The following PLEKHO1 variants were observed in gnomAD, a reference collection of about 807,000 sequenced individuals.
The protein encoded by PLEKHO1 is pleckstrin homology domain-containing family O member 1.
A neutral mutation model predicts 41.4 loss-of-function variants in PLEKHO1; 22 were observed. That is an observed-to-expected ratio of 0.53 (90% CI 0.38 to 0.76). The LOEUF (loss-of-function observed/expected upper bound fraction) is 0.76, where lower values mean the gene tolerates loss of function less well. PLEKHO1 is among the 30% of genes least tolerant of loss of function. The probability of loss-of-function intolerance (pLI) is 0.00; values close to 1 mark genes in which losing one functional copy is unlikely to be tolerated. For missense variants in PLEKHO1, 488 were observed against 518.3 expected (o/e 0.94, Z 0.57); for synonymous variants, 225 against 210.8 (o/e 1.07, Z -0.58).
chr1:150,159,150 C>A lies in PLEKHO1; in HGVS notation c.857C>A (p.Thr286Asn), dbSNP rs782341085. ...LSQRDAASAR[T>N]LQLRAEEPPT... ...CAGCGGGATGCTGCCTCTGCCCGCA[C>A]CCTCCAGCTGCGGGCTGAGGAACCC... Residue 286 changes from threonine to asparagine, a missense_variant, in exon 6 of 6, where the codon ACC becomes AAC. Physicochemically the swap from Thr to Asn is moderately conservative, Grantham distance 65. Transcript: ENST00000369124. 1.2e-6 allele frequency: 2 copies of A among 1,611,426 alleles called. No individual in the cohort carries two copies. Among genetic ancestry groups the A allele is most frequent in the East Asian group, 4.5e-5 (2 of 44,874 alleles).
intron 2 of PLEKHO1, chr1:150,152,688 TAAAAAAAAAAAA>T (rs1407877862): frequency 1.1e-4 from 8 of 74,026 alleles, no homozygotes; most frequent in African/African-American, 3.2e-4. Flanking sequence ...CTTTCTAAAT[TAAAAAAAAAAAA>T]AAAAAAAAAA....
At chr1:150,152,937 G>A (rs1425396589) in intron 2 of PLEKHO1, 3 of 152,248 alleles carry the variant, frequency 2.0e-5, no homozygotes, top group East Asian at 3.9e-4. Context: ...AGGAAAGGAT[G>A]GAATGACCTC....
chr1:150,158,176 G>A (rs1439319770), intron 5 of PLEKHO1, among the ~76,000 whole-genome samples: 1 of 152,218 alleles, frequency 6.6e-6, no homozygotes, highest in Non-Finnish European at 1.5e-5. Flanking sequence ...GCAGATGGAG[G>A]AGGACAGTCG....
At position 150,159,070 on chromosome 1, in the gene PLEKHO1, G is replaced by A. The variant is rs1425221681; in HGVS notation, c.777G>A (p.Lys259=). The change falls in exon 6 of 6, where the codon AAG becomes AAA. Residue 259 remains lysine (K), a synonymous_variant. Transcript: ENST00000369124. ...KGATYTPQAP[K]KLTPTEKGRC... The stretch of plus-strand genomic sequence containing the variant: ...CCACCTACACCCCCCAGGCACCCAA[G>A]AAGTTGACGCCCACAGAGAAAGGCC... 6.2e-7 allele frequency: 1 copy of A among 1,613,978 alleles called. No individual in the cohort carries two copies. The highest frequency in any genetic ancestry group is 8.5e-7 in the Non-Finnish European group (1 of 1,179,996).
At chr1:150,155,895 G>A (rs1264707957) in intron 2 of PLEKHO1, 171 bp from the exon 3 acceptor site, 22 of 630,034 alleles carry the variant, frequency 3.5e-5, no homozygotes, top group South Asian at 1.2e-4. Context: ...CTGCCCTAGC[G>A]TCCTCCTCGA....
At position 150,151,043 on chromosome 1, in the gene PLEKHO1, C is replaced by T. The variant is rs1448813729; in HGVS notation, c.162C>T (p.Tyr54=). 1.2e-6 allele frequency: 2 copies of T among 1,614,016 alleles called. No individual in the cohort carries two copies. Among genetic ancestry groups the T allele is most frequent in the Non-Finnish European group, 8.5e-7 (1 of 1,179,980 alleles). ...RYVVLKGDQL[Y]ISEKEVKDEK... ...TGGTGCTGAAAGGGGACCAGCTCTA[C>T]ATCTCTGAGAAGGAGGTGGGTGCCT... is the stretch of plus-strand genomic sequence containing the variant. The change falls in exon 2 of 6, where the codon TAC becomes TAT. Residue 54 remains tyrosine (Y), a synonymous_variant. Transcript: ENST00000369124.
intron 4 of PLEKHO1, 128 bp downstream of exon 4, chr1:150,157,143 C>T: frequency 1.4e-6 from 1 of 712,758 alleles, no homozygotes; most frequent in Non-Finnish European, 2.5e-6. Flanking sequence ...TCTTTACCAC[C>T]CTTTTAAAAG....
At position 150,159,358 on chromosome 1, in the gene PLEKHO1, G is replaced by A. The variant is rs372807467; in HGVS notation, c.1065G>A (p.Thr355=). ...AGTCAGAGCAGCTGCTGCTGGAGAC[G>A]GAACGGCTGCTGGGAGAGGCATCAT... The part of the protein sequence containing the change: ...DSESEQLLLE[T]ERLLGEASSN... Residue 355 remains threonine, a synonymous_variant, in exon 6 of 6, where the codon ACG becomes ACA. Coordinates refer to ENST00000369124, the MANE Select transcript of PLEKHO1 (RefSeq NM_016274.6). 2.5e-5 allele frequency: 41 copies of A among 1,614,158 alleles called. No individual in the cohort carries two copies. The highest frequency in any genetic ancestry group is 1.3e-4 in the South Asian group (12 of 91,080).
rs977195537 is a variant in PLEKHO1, at chr1:150,160,057, C to G, written c.*534C>G. On this transcript the variant is annotated 3_prime_UTR_variant, in exon 6 of 6. Coordinates refer to ENST00000369124, the MANE Select transcript of PLEKHO1 (RefSeq NM_016274.6). ...GAGGATTTGTGGAATTAAAATCTCC[C>G]CAGCCAGACACTGGCTTCTCATTCC... 6.6e-6 allele frequency: 1 copy of G among 152,538 alleles called. No individual in the cohort carries two copies. The highest frequency in any genetic ancestry group is 1.5e-5 in the Non-Finnish European group (1 of 68,296). 9.4% of individuals were successfully genotyped at this position (152,538 alleles called of 1,614,324 possible). A position where few individuals can be genotyped will look rare whatever the true frequency, so the allele number is the denominator to read the frequency against.
chr1:150,150,239 G>T lies in PLEKHO1; in HGVS notation c.-19G>T. 1 of 1,068,048 alleles carries T rather than the reference G, an allele frequency of 9.4e-7. No individual in the cohort carries two copies. Among genetic ancestry groups the T allele is most frequent in the Non-Finnish European group, 1.1e-6 (1 of 880,226 alleles). The allele number at this position is 1,068,048 out of a possible 1,614,324, so 66.2% of individuals were successfully genotyped here. On this transcript the variant is annotated 5_prime_UTR_variant, in exon 1 of 6. Transcript: ENST00000369124. Reference sequence around the variant, plus strand: ...GGGCCGCCCCTCGGCTCGCCGCCCCGCGCCCGCGCCCGCTGGGAATGATGA... The same window carrying T: ...GGGCCGCCCCTCGGCTCGCCGCCCCTCGCCCGCGCCCGCTGGGAATGATGA...
rs781995531 is a variant in PLEKHO1 at position 150,159,509 on chromosome 1, A to C, written c.1216A>C (p.Lys406Gln). The stretch of plus-strand genomic sequence containing the variant: ...GACCACCCCGCACAGTCAGTACCGG[A>C]AGAGCCTGATGTGAGGGCAGGGTGG... ...RQTTPHSQYR[K>Q]SLM is the part of the protein sequence containing the mutation. Residue 406 changes from lysine to glutamine, a missense_variant, in exon 6 of 6, where the codon AAG becomes CAG. By Grantham distance (53) the Lys-to-Gln change is moderately conservative (BLOSUM62 1). This residue lies in a region of PLEKHO1 where 337 missense variants were observed against 324.6 expected (regional missense o/e 1.04). Transcript: ENST00000369124. The C allele has an allele frequency of 3.7e-6, 6 of 1,603,036 alleles. No individual in the cohort carries two copies. The South Asian group carries it at 6.6e-5, about 18-fold the overall frequency.
At chr1:150,156,342 C>T in intron 3 of PLEKHO1, 136 bp downstream of exon 3, 1 of 714,712 alleles carries the variant, frequency 1.4e-6, no homozygotes, top group Non-Finnish European at 2.3e-6. Flanking sequence ...TGGCTTTTAT[C>T]ATTTCACCTG....
At chr1:150,154,595 C>G (rs1198134400) in intron 2 of PLEKHO1, 1 of 152,170 alleles carries the variant, frequency 6.6e-6, no homozygotes, top group Admixed American at 6.5e-5. Flanking sequence ...TTCCAGGTTT[C>G]CAGGAACCAG....
At position 150,156,919 on chromosome 1, in the gene PLEKHO1, C is replaced by G; in HGVS notation, c.327C>G (p.Asn109Lys). ...HSKQPGNTAP[N>K]LIFLAVSPEE... Reference sequence around the variant, plus strand: ...GAATCTTCCCCTCACAGGCACCCAACCTGATCTTCCTGGCAGTGAGTCCAG... The same window carrying G: ...GAATCTTCCCCTCACAGGCACCCAAGCTGATCTTCCTGGCAGTGAGTCCAG... The change falls in exon 4 of 6, where the codon AAC becomes AAG. Residue 109 changes from asparagine (N) to lysine (K), a missense_variant. Coordinates refer to ENST00000369124, the MANE Select transcript of PLEKHO1 (RefSeq NM_016274.6). 6 of 1,611,020 alleles carry G rather than the reference C, an allele frequency of 3.7e-6. No homozygotes were observed. The highest frequency in any genetic ancestry group is 5.1e-6 in the Non-Finnish European group (6 of 1,177,164).
Position 150,158,415 on chromosome 1 carries a change from G to C in PLEKHO1, c.526-404G>C, listed in dbSNP as rs587714812. Reference sequence around the variant, plus strand: ...AGAGCAGAGGGCTTTGCCAGGCAGGGGGGCTCACACCTGTAATCCCAGTAC... The same window carrying C: ...AGAGCAGAGGGCTTTGCCAGGCAGGCGGGCTCACACCTGTAATCCCAGTAC... On this transcript the variant is annotated intron_variant, in intron 5 of 5. Coordinates refer to ENST00000369124, the MANE Select transcript of PLEKHO1 (RefSeq NM_016274.6). Among the ~76,000 whole-genome samples, 3 of 152,296 alleles carry C rather than the reference G, an allele frequency of 2.0e-5. No homozygotes were observed. The South Asian group carries it at 6.2e-4, about 32-fold the overall frequency.
chr1:150,150,046 T>TGTGCGAGTGCGAATGC lies in PLEKHO1; in HGVS notation c.-210_-195dup, dbSNP rs1659809380. 1 of 156,830 alleles carries TGTGCGAGTGCGAATGC rather than the reference T, an allele frequency of 6.4e-6. No homozygotes were observed. The highest frequency in any genetic ancestry group is 1.4e-5 in the Non-Finnish European group (1 of 72,616). 9.7% of individuals were successfully genotyped at this position (156,830 alleles called of 1,614,324 possible). On this transcript the variant is annotated 5_prime_UTR_variant, in exon 1 of 6. It adds an upstream start codon to the 5' untranslated region. Transcript: ENST00000369124. Reference sequence around the variant, plus strand: ...GGGGCGGGGAGCGGGCGTGCGTGTGTGTGCGAGTGCGAATGCGAGGGAGGC... The same window carrying TGTGCGAGTGCGAATGC: ...GGGGCGGGGAGCGGGCGTGCGTGTGTGTGCGAGTGCGAATGCGTGCGAGTGCGAATGCGAGGGAGGC...
At chr1:150,154,360 C>G (rs1660083091) in intron 2 of PLEKHO1, 1 of 152,288 alleles carries the variant, frequency 6.6e-6, no homozygotes, top group Non-Finnish European at 1.5e-5. Flanking sequence ...TGGCCACTTT[C>G]CAGCCCAAAG....
In PLEKHO1 at chr1:150,150,171, C is replaced by T. The variant is rs1425475664; in HGVS notation, c.-87C>T. On this transcript the variant is annotated 5_prime_UTR_variant, in exon 1 of 6. Coordinates refer to ENST00000369124, the MANE Select transcript of PLEKHO1 (RefSeq NM_016274.6). ...CGCCGGGGCAGCTCCGACGCCCTCC[C>T]GCGGGGAAGGAGCCCCCGCGGTGCC... is the stretch of plus-strand genomic sequence containing the variant. 5.5e-6 allele frequency: 3 copies of T among 546,630 alleles called. No individual in the cohort carries two copies. Among genetic ancestry groups the T allele is most frequent in the Non-Finnish European group, 7.1e-6 (3 of 424,416 alleles). The allele number at this position is 546,630 out of a possible 1,614,324, so 33.9% of individuals were successfully genotyped here.
In PLEKHO1 at chr1:150,159,589, CT is replaced by C; in HGVS notation, c.*72del. 9.2e-7 allele frequency: 1 copy of C among 1,087,766 alleles called. No homozygotes were observed. Among genetic ancestry groups the C allele is most frequent in the Non-Finnish European group, 1.3e-6 (1 of 767,156 alleles). The allele number at this position is 1,087,766 out of a possible 1,614,324, so 67.4% of individuals were successfully genotyped here. On this transcript the variant is annotated 3_prime_UTR_variant, in exon 6 of 6. Coordinates refer to ENST00000369124, the MANE Select transcript of PLEKHO1 (RefSeq NM_016274.6). ...CTTATCTCCGTGTTGCTGGATAAAG[CT>C]TTTTTATTTACCTCAATCAAAAAAA... is the stretch of plus-strand genomic sequence containing the variant.
Sources: allele counts gnomAD v4.1 joint callset (sites outside exome capture counted in the v4.1 genomes callset), GRCh38; gene constraint gnomAD v4.1.1; regional missense constraint gnomAD v4.1.1; transcripts MANE v1.5; gene names NCBI Gene and HGNC (gene_info 2026-07-23, HGNC 2026-07-21).